CADPS: variants seen among roughly 807,000 people sequenced by gnomAD.
The protein encoded by CADPS is calcium-dependent secretion activator 1.
A neutral mutation model predicts 167.3 loss-of-function variants in CADPS; 57 were observed. That is an observed-to-expected ratio of 0.34 (90% CI 0.28 to 0.42). The LOEUF is 0.42. CADPS is among the 20% of genes least tolerant of loss of function. The probability of loss-of-function intolerance (pLI) is 1.00; values close to 1 mark genes in which losing one functional copy is unlikely to be tolerated. For synonymous variants in CADPS, 676 were observed against 635.3 expected, an observed-to-expected ratio of 1.06 and a Z score of -0.96; for missense variants, 1,414 against 1,738.1, an observed-to-expected ratio of 0.81 and a Z score of 3.32.
intron 28 of CADPS, among the ~76,000 whole-genome samples, chr3:62,414,209 C>A (rs1165773765): frequency 2.0e-5 from 3 of 152,166 alleles, no homozygotes; most frequent in Non-Finnish European, 2.9e-5. Context: ...TATGTTTTCA[C>A]AGAGACTCCC....
intron 4 of CADPS, among the ~76,000 whole-genome samples, chr3:62,656,444 G>C (rs928752466): frequency 1.3e-5 from 2 of 152,144 alleles, no homozygotes; most frequent in Non-Finnish European, 2.9e-5. Context: ...ATAGTTACTA[G>C]AGTTAAACTT....
intron 11 of CADPS, among the ~76,000 whole-genome samples, chr3:62,546,868 G>C (rs1013940609): frequency 6.6e-5 from 10 of 152,094 alleles, no homozygotes; most frequent in Admixed American, 3.9e-4. Context: ...ATCTGCAGGG[G>C]GTCCTGGAAC....
intron 1 of CADPS, among the ~76,000 whole-genome samples, chr3:62,824,849 A>C (rs573661389): frequency 2.6e-5 from 4 of 152,174 alleles, no homozygotes; most frequent in African/African-American, 9.6e-5. Context: ...TTGTTTTCCC[A>C]AGCTTCCTTC....
At chr3:62,763,937 T>C (rs912510402) in intron 2 of CADPS, among the ~76,000 whole-genome samples, 8 of 152,316 alleles carry the variant, frequency 5.3e-5, no homozygotes, top group South Asian at 2.1e-4. Flanking sequence ...GAGGAAAACA[T>C]TGGGATCACT....
At chr3:62,623,479 C>T (rs181723173) in intron 6 of CADPS, among the ~76,000 whole-genome samples, 66 of 152,278 alleles carry the variant, frequency 4.3e-4, no homozygotes, top group South Asian at 8.3e-4. Flanking sequence ...AAAATCAAGT[C>T]CTATCCCTGG....
chr3:62,674,920 C>G (rs2076120473), intron 3 of CADPS, among the ~76,000 whole-genome samples: 1 of 151,934 alleles, frequency 6.6e-6, no homozygotes, highest in Non-Finnish European at 1.5e-5. Flanking sequence ...ATGTGTTGTA[C>G]TGAAAACAAA....
intron 3 of CADPS, among the ~76,000 whole-genome samples, chr3:62,695,211 G>A (rs956812942): frequency 6.6e-6 from 1 of 152,092 alleles, no homozygotes; most frequent in Non-Finnish European, 1.5e-5. Context: ...ATTAGGGAAA[G>A]AATGTTTTCT....
chr3:62,846,621 T>G (rs2077478499), intron 1 of CADPS, among the ~76,000 whole-genome samples: 1 of 152,196 alleles, frequency 6.6e-6, no homozygotes, highest in East Asian at 1.9e-4. Flanking sequence ...TCTCCAAAAG[T>G]GACCAAAGAT....
chr3:62,513,764 G>A, intron 16 of CADPS: 3 of 1,133,262 alleles, frequency 2.6e-6, no homozygotes, highest in Non-Finnish European at 3.9e-6. Context: ...GAGGTTAAAG[G>A]TCATAGGTTA....
At chr3:62,585,425 C>T (rs2084385105) in intron 7 of CADPS, 101 bp from the exon 8 acceptor site, 5 of 1,218,304 alleles carry the variant, frequency 4.1e-6, no homozygotes, top group African/African-American at 3.1e-5. Flanking sequence ...TTGAACAATT[C>T]CCACTGTGGA....
intron 2 of CADPS, 141 bp downstream of exon 2, chr3:62,765,730 G>T (rs1576079822): frequency 3.7e-6 from 2 of 534,166 alleles, no homozygotes; most frequent in East Asian, 5.7e-5. Context: ...TCTTAACATT[G>T]TAACGAATCA....
At chr3:62,679,908 G>A (rs757649341) in intron 3 of CADPS, among the ~76,000 whole-genome samples, 4 of 151,940 alleles carry the variant, frequency 2.6e-5, no homozygotes, top group Non-Finnish European at 5.9e-5. Context: ...ATAAAGCTGT[G>A]TCATATTTGT....
intron 2 of CADPS, among the ~76,000 whole-genome samples, chr3:62,758,718 C>A (rs1031207559): frequency 6.6e-6 from 1 of 152,248 alleles, no homozygotes; most frequent in Middle Eastern, 3.2e-3. Flanking sequence ...TTTCTGCCAA[C>A]TTCCAGACAG....
chr3:62,669,817 G>A (rs746386065), intron 3 of CADPS, among the ~76,000 whole-genome samples: 8 of 152,274 alleles, frequency 5.3e-5, no homozygotes, highest in Non-Finnish European at 1.0e-4. Context: ...ATGCAGTCAC[G>A]TTCAGTAAAT....
chr3:62,629,757 G>GTTTTTTTTTTT (rs55956118), intron 6 of CADPS, among the ~76,000 whole-genome samples: 163 of 145,620 alleles, frequency 1.1e-3, no homozygotes, highest in East Asian at 9.2e-3. Flanking sequence ...CTCTGGTACA[G>GTTTTTTTTTTT]TTTTTTTTTT....
At chr3:62,698,653 T>C (rs13100695) in intron 3 of CADPS, among the ~76,000 whole-genome samples, 2 of 151,064 alleles carry the variant, frequency 1.3e-5, no homozygotes, top group African/African-American at 4.9e-5. Context: ...CCTTCTTCTC[T>C]TTCTTATTCT....
intron 1 of CADPS, among the ~76,000 whole-genome samples, chr3:62,811,765 T>C (rs1369677566): frequency 6.6e-6 from 1 of 152,348 alleles, no homozygotes; most frequent in East Asian, 1.9e-4. Flanking sequence ...TGTTAGAAAG[T>C]ATCTTCTCAA....
At chr3:62,541,445 C>T (rs1375798215) in intron 11 of CADPS, among the ~76,000 whole-genome samples, 2 of 152,128 alleles carry the variant, frequency 1.3e-5, no homozygotes, top group Non-Finnish European at 2.9e-5. Context: ...ATGGATAACG[C>T]TGCTATTGGT....
At chr3:62,533,781 C>G (rs2074182509) in intron 12 of CADPS, among the ~76,000 whole-genome samples, 1 of 151,976 alleles carries the variant, frequency 6.6e-6, no homozygotes, top group Non-Finnish European at 1.5e-5. Flanking sequence ...AATAACGCAA[C>G]TCTCCAAAGA....
Sources: allele counts gnomAD v4.1 joint callset (sites outside exome capture counted in the v4.1 genomes callset), GRCh38; gene constraint gnomAD v4.1.1; transcripts MANE v1.5; gene names NCBI Gene and HGNC (gene_info 2026-07-23, HGNC 2026-07-21).